OTULIN: variants seen among roughly 807,000 people sequenced by gnomAD.
OTULIN encodes the protein ubiquitin thioesterase otulin.
OTULIN carries 15 observed loss-of-function variants against 39.6 expected under a neutral mutation model. That is an observed-to-expected ratio of 0.38 (90% CI 0.25 to 0.58). OTULIN has a LOEUF of 0.58. OTULIN is among the 20% of genes least tolerant of loss of function. The pLI is 0.66. For missense variants in OTULIN, 319 were observed against 445.9 expected, an observed-to-expected ratio of 0.72 and a Z score of 2.56; for synonymous variants, 156 against 170.3, an observed-to-expected ratio of 0.92 and a Z score of 0.65.
At chr5:14,665,659 A>G (rs775123509) in intron 1 of OTULIN, among the ~76,000 whole-genome samples, 1 of 152,164 alleles carries the variant, frequency 6.6e-6, no homozygotes, top group Non-Finnish European at 1.5e-5. Context: ...GCACCTATAA[A>G]TGCCCTTGGA....
chr5:14,711,539 C>CGGA, the OTULIN span, among the ~76,000 whole-genome samples: 2 of 152,310 alleles, frequency 1.3e-5, no homozygotes, highest in Admixed American at 1.3e-4. Context: ...GCAGGCACTT[C>CGGA]GGAGGACACC....
At chr5:14,710,871 T>TCCAAGAGGAGATTGTCCAGGGGAGGAG in the OTULIN span, 2 of 373,146 alleles carry the variant, frequency 5.4e-6, no homozygotes. Flanking sequence ...GTCCTTTGGT[T>TCCAAGAGGAGATTGTCCAGGGGAGGAG]CCAAGAGGAG....
intron 4 of OTULIN, among the ~76,000 whole-genome samples, chr5:14,682,745 G>T (rs1736287086): frequency 6.6e-6 from 1 of 151,636 alleles, no homozygotes; most frequent in Non-Finnish European, 1.5e-5. Flanking sequence ...TATTTTTTTT[G>T]ATATTAAGCA....
chr5:14,716,187 T>G, the OTULIN span, among the ~76,000 whole-genome samples: 1 of 152,198 alleles, frequency 6.6e-6, no homozygotes, highest in South Asian at 2.1e-4. Context: ...TTTACTGTTT[T>G]TGTAATCACT....
At position 14,699,776 on chromosome 5, in the gene OTULIN, C is replaced by T. The variant is rs1048286155; in HGVS notation, c.*6728C>T. The T allele has an allele frequency of 2.0e-5, 3 of 152,252 alleles. No homozygotes were observed. Among genetic ancestry groups the T allele is most frequent in the Admixed American group, 2.0e-4 (3 of 15,274 alleles). The allele number at this position is 152,252 out of a possible 1,614,324, so 9.4% of individuals were successfully genotyped here. ...TTTTCTATTGACCGCTTCCGTCTTG[C>T]CTGAAACCTGGGCATTCTTTCTGTA... On this transcript the variant is annotated 3_prime_UTR_variant, in exon 7 of 7. Coordinates refer to ENST00000284274, the MANE Select transcript of OTULIN (RefSeq NM_138348.6).
chr5:14,678,934 A>G (rs1320919846), intron 3 of OTULIN, among the ~76,000 whole-genome samples, 159 bp downstream of exon 3: 1 of 151,292 alleles, frequency 6.6e-6, no homozygotes, highest in Non-Finnish European at 1.5e-5. Flanking sequence ...CTCCAAAGAT[A>G]AGGGTTTTGT....
chr5:14,690,835 A>G lies in OTULIN; in HGVS notation c.864+527A>G, dbSNP rs549467059. Among the ~76,000 whole-genome samples, 104 of 152,308 alleles carry G rather than the reference A, an allele frequency of 6.8e-4. 1 individual carries two copies. The highest frequency in any genetic ancestry group is 1.2e-3 in the Non-Finnish European group (82 of 68,020). On this transcript the variant is annotated intron_variant, in intron 6 of 6. Transcript: ENST00000284274. The surrounding 1 kb of genome is among the most constrained non-coding windows in gnomAD (Gnocchi z 4.5). Reference sequence around the variant, plus strand: ...CCAAAGAATTGTGGACATACTTTACAGTCACCACCGTTATCTCAGCCTGGG... The same window carrying G: ...CCAAAGAATTGTGGACATACTTTACGGTCACCACCGTTATCTCAGCCTGGG...
downstream of OTULIN, among the ~76,000 whole-genome samples, chr5:14,703,775 G>A (rs1198941423): frequency 6.6e-6 from 1 of 152,146 alleles, no homozygotes; most frequent in Non-Finnish European, 1.5e-5. Flanking sequence ...CACTGTGGCC[G>A]GGAGCACAGC....
chr5:14,667,971 A>G (rs1192080601), intron 1 of OTULIN, among the ~76,000 whole-genome samples: 1 of 152,196 alleles, frequency 6.6e-6, no homozygotes, highest in Non-Finnish European at 1.5e-5. Flanking sequence ...TGGCTAGGCC[A>G]GAAATGCTTA....
intron 6 of OTULIN, among the ~76,000 whole-genome samples, chr5:14,692,286 A>G (rs1736547710): frequency 6.6e-6 from 1 of 152,220 alleles, no homozygotes; most frequent in Non-Finnish European, 1.5e-5. Flanking sequence ...GACCATTTTA[A>G]AGTGTACATC....
intron 1 of OTULIN, among the ~76,000 whole-genome samples, chr5:14,668,058 A>G (rs896435993): frequency 6.6e-6 from 1 of 152,192 alleles, no homozygotes; most frequent in Non-Finnish European, 1.5e-5. Flanking sequence ...CTGTGGAGGC[A>G]TACTGTCGGT....
the OTULIN span, chr5:14,709,790 A>T: frequency 2.4e-4 from 37 of 152,666 alleles, no homozygotes; most frequent in African/African-American, 8.7e-4. Context: ...AACTGCAGGT[A>T]TGTTGAGCAC....
rs1472421090 is a variant in OTULIN at position 14,695,175 on chromosome 5, T to G, written c.*2127T>G. On this transcript the variant is annotated 3_prime_UTR_variant, in exon 7 of 7. Coordinates refer to ENST00000284274, the MANE Select transcript of OTULIN (RefSeq NM_138348.6). ...CTTGTCAGAATCTGTCAGACTCTTGTTTAGGTTTAGTGTGATCATGGCGTC... is the reference window on the plus strand; with the variant it reads ...CTTGTCAGAATCTGTCAGACTCTTGGTTAGGTTTAGTGTGATCATGGCGTC... 2 of 152,238 alleles carry G rather than the reference T, an allele frequency of 1.3e-5. No individual in the cohort carries two copies. The highest frequency in any genetic ancestry group is 2.9e-5 in the Non-Finnish European group (2 of 68,038). 9.4% of individuals were successfully genotyped at this position (152,238 alleles called of 1,614,324 possible). A position where few individuals can be genotyped will look rare whatever the true frequency, so the allele number is the denominator to read the frequency against.
At chr5:14,677,629 T>A (rs1027893527) in intron 2 of OTULIN, among the ~76,000 whole-genome samples, 4 of 152,220 alleles carry the variant, frequency 2.6e-5, no homozygotes, top group Non-Finnish European at 5.9e-5. Context: ...TTTTTTTCAC[T>A]ATAACATTTG....
At chr5:14,688,609 G>A (rs529726298) in intron 5 of OTULIN, among the ~76,000 whole-genome samples, 1 of 152,236 alleles carries the variant, frequency 6.6e-6, no homozygotes, top group Admixed American at 6.5e-5. Context: ...GATAAGAAAT[G>A]TTTACTGGAA....
At chr5:14,710,331 T>C in the OTULIN span, 1 of 152,180 alleles carries the variant, frequency 6.6e-6, no homozygotes, top group African/African-American at 2.4e-5. Flanking sequence ...AATGCGACCT[T>C]CAGGAAAGGC....
chr5:14,687,535 C>T lies in OTULIN; in HGVS notation c.483C>T (p.Leu161=). Residue 161 remains leucine, a synonymous_variant, in exon 5 of 7, where the codon CTC becomes CTT. Transcript: ENST00000284274. ...CGATGTTGTAGTTACCAGAAAAACT[C>T]ATAAGCAAATACAACTGGATCAAGC... The part of the protein sequence containing the change: ...DPELMLLPEK[L]ISKYNWIKQW... 6.2e-7 allele frequency: 1 copy of T among 1,613,074 alleles called. No individual in the cohort carries two copies. Among genetic ancestry groups the T allele is most frequent in the Non-Finnish European group, 8.5e-7 (1 of 1,179,738 alleles).
chr5:14,669,314 G>A (rs1254320048), intron 1 of OTULIN, among the ~76,000 whole-genome samples: 1 of 152,158 alleles, frequency 6.6e-6, no homozygotes, highest in African/African-American at 2.4e-5. Context: ...GCAGTGAGCC[G>A]AGACTGCGCC....
the OTULIN span, chr5:14,713,636 C>T: frequency 6.2e-7 from 1 of 1,614,174 alleles, no homozygotes; most frequent in African/African-American, 1.3e-5. This position sits in a 1 kb window ranked among gnomAD's most constrained non-coding sequence, Gnocchi z 4.4. Flanking sequence ...TCAGTGTCAT[C>T]AGCCACCCGG....
Sources: gnomAD v4.1 joint callset for allele counts (sites outside exome capture counted in the v4.1 genomes callset) on GRCh38, gnomAD v4.1.1 for gene constraint, Gnocchi (gnomAD v3.1) non-coding constraint, MANE v1.5 for transcripts, NCBI Gene and HGNC (gene_info 2026-07-23, HGNC 2026-07-21) for gene names.